Variants in LYST observed in about 807,000 individuals in gnomAD.
LYST encodes lysosomal-trafficking regulator.
Under a neutral mutation model 413.6 loss-of-function variants are expected in LYST, and 192 were observed. That is an observed-to-expected ratio of 0.46 (90% confidence interval 0.41 to 0.52). The LOEUF (loss-of-function observed/expected upper bound fraction) is 0.52. Ranked by LOEUF, LYST falls within the 20% of genes least tolerant of loss-of-function variation. The probability of loss-of-function intolerance (pLI) is 0.00; values close to 1 mark genes in which losing one functional copy is unlikely to be tolerated. For missense variants in LYST, 3,815 were observed against 4,499.9 expected, an observed-to-expected ratio of 0.85 and a Z score of 4.35; for synonymous variants, 1,525 against 1,567.3, an observed-to-expected ratio of 0.97 and a Z score of 0.64.
chr1:235,669,943 C>A (rs1658797847), intron 50 of LYST, among the ~76,000 whole-genome samples: 1 of 152,156 alleles, frequency 6.6e-6, no homozygotes, highest in Non-Finnish European at 1.5e-5. Context: ...TGTAACAAAA[C>A]CTTCATAAAG....
At chr1:235,803,626 A>C (rs1240157156) in intron 7 of LYST, among the ~76,000 whole-genome samples, 1 of 152,164 alleles carries the variant, frequency 6.6e-6, no homozygotes, top group Non-Finnish European at 1.5e-5. Context: ...TTTCTTATAA[A>C]AATTCCACTA....
In LYST at chr1:235,720,875, T is replaced by C. The variant is rs1428816983; in HGVS notation, c.9346A>G (p.Thr3116Ala). The change falls in exon 40 of 53, where the codon ACA (threonine) becomes GCA (alanine). Residue 3116 changes from threonine (T) to alanine (A), a missense_variant. Transcript: ENST00000389793. ...TCCAGAAGATTAGGGAGGTTATTTG[T>C]GAGTATATTGTGGTATACATCATCA... ...VRDDVYHNILTNNLPNLLEYG... is the reference protein window; with the variant it reads ...VRDDVYHNILANNLPNLLEYG... 6.2e-7 allele frequency: 1 copy of C among 1,613,736 alleles called. No homozygotes were observed. Among genetic ancestry groups the C allele is most frequent in the Admixed American group, 1.7e-5 (1 of 60,022 alleles).
chr1:235,801,034 T>C lies in LYST; in HGVS notation c.3776A>G (p.Glu1259Gly), dbSNP rs757456237. 6.2e-7 allele frequency: 1 copy of C among 1,613,778 alleles called. No individual in the cohort carries two copies. The highest frequency in any genetic ancestry group is 8.5e-7 in the Non-Finnish European group (1 of 1,179,794). Reference sequence around the variant, plus strand: ...AATTATTTCCCCTTGAGTGAGGTTTTCGAGTAAGTCATTTGGACTGCTTGA... The same window carrying C: ...AATTATTTCCCCTTGAGTGAGGTTTCCGAGTAAGTCATTTGGACTGCTTGA... ...SASSSPNDLL[E>G]NLTQGEIIYP... is the part of the protein sequence containing the mutation. Residue 1259 changes from glutamate (E) to glycine (G), a missense_variant, in exon 9 of 53, where the codon GAA (glutamate) becomes GGA (glycine). By Grantham distance (98) the Glu-to-Gly change is moderately conservative. Coordinates refer to ENST00000389793, the MANE Select transcript of LYST (RefSeq NM_000081.4).
chr1:235,776,100 T>C (rs1213115990), intron 17 of LYST, among the ~76,000 whole-genome samples: 2 of 152,108 alleles, frequency 1.3e-5, no homozygotes, highest in African/African-American at 2.4e-5. Flanking sequence ...TTTGAAACTA[T>C]ACGATGGTAC....
rs9628694 is a variant in LYST, at chr1:235,729,792, G to A, written c.9045-135C>T. The stretch of plus-strand genomic sequence containing the variant: ...TTCCAATAGCATGAGGTATCTTGTC[G>A]AAACCCACATGAAAATATTAGCTCC... On this transcript the variant is annotated intron_variant, in intron 36 of 52. Coordinates refer to ENST00000389793, the MANE Select transcript of LYST (RefSeq NM_000081.4). 9,099 of 674,986 alleles carry A rather than the reference G, an allele frequency of 0.013. 575 individuals are homozygous for A. In the African/African-American group the frequency reaches 0.14, roughly 11 times the overall value. 41.8% of individuals were successfully genotyped at this position (674,986 alleles called of 1,614,324 possible). A position where few individuals can be genotyped will look rare whatever the true frequency, so the allele number is the denominator to read the frequency against.
intron 6 of LYST, among the ~76,000 whole-genome samples, chr1:235,804,906 G>T (rs978114580): frequency 2.6e-5 from 4 of 152,106 alleles, no homozygotes; most frequent in African/African-American, 7.2e-5. Flanking sequence ...GCATGGTAAA[G>T]AATGGCAAGA....
At chr1:235,748,713 A>G (rs1247557455) in intron 28 of LYST, among the ~76,000 whole-genome samples, 2 of 152,326 alleles carry the variant, frequency 1.3e-5, no homozygotes, top group Non-Finnish European at 2.9e-5. Flanking sequence ...TGAGGTTGTA[A>G]GATTAATCTG....
At position 235,741,512 on chromosome 1, in the gene LYST, G is replaced by A. The variant is rs141534829; in HGVS notation, c.8268C>T (p.His2756=). 9.1e-5 allele frequency: 147 copies of A among 1,613,990 alleles called. No individual in the cohort carries two copies. The highest frequency in any genetic ancestry group is 7.0e-4 in the South Asian group (64 of 91,084). Reference sequence around the variant, plus strand: ...AAATTTGCTTTCTCTCTTGTGCAGCGTGGGCTGGCGACAAAATATGCACTA... The same window carrying A: ...AAATTTGCTTTCTCTCTTGTGCAGCATGGGCTGGCGACAAAATATGCACTA... ...RLLVHILSPA[H]AAQERKQIFE... Residue 2756 remains histidine (H), a synonymous_variant, in exon 31 of 53, where the codon CAC becomes CAT. Transcript: ENST00000389793.
upstream of LYST, among the ~76,000 whole-genome samples, chr1:235,870,860 G>A (rs768154100): frequency 6.6e-6 from 1 of 152,212 alleles, no homozygotes; most frequent in Non-Finnish European, 1.5e-5. Flanking sequence ...TATCCAAACA[G>A]TAAGTTGACC....
rs538068487 is a variant in LYST, at chr1:235,877,625, C to T, written n.454+5562G>A. On this transcript the variant is annotated intron_variant and non_coding_transcript_variant, in intron 1 of 11. Transcript: ENST00000465349. ...TTCTCCATGTTGGTCAGGCTGGTCT[C>T]GAACTCCCAACCTCAGGTGATCCAC... is the stretch of plus-strand genomic sequence containing the variant. Among the ~76,000 whole-genome samples, 6 of 152,164 alleles carry T rather than the reference C, an allele frequency of 3.9e-5. No homozygotes were observed. The East Asian group carries it at 9.7e-4, about 25-fold the overall frequency.
In LYST at chr1:235,738,791, G is replaced by A. The variant is rs1382774522; in HGVS notation, c.8358+2631C>T. 7.1e-6 allele frequency: 7 copies of A among 984,182 alleles called. No individual in the cohort carries two copies. In the Admixed American group the frequency reaches 8.5e-5, roughly 12 times the overall value. The allele number at this position is 984,182 out of a possible 1,614,324, so 61.0% of individuals were successfully genotyped here. A position where few individuals can be genotyped will look rare whatever the true frequency, so the allele number is the denominator to read the frequency against. On this transcript the variant is annotated intron_variant, in intron 31 of 52. Transcript: ENST00000389793. ...TGGCAGATTTGGCAGAAAGTATAATGAAGAATCTTAGGCGGGTGCACCCAA... is the reference window on the plus strand; with the variant it reads ...TGGCAGATTTGGCAGAAAGTATAATAAAGAATCTTAGGCGGGTGCACCCAA...
In LYST at chr1:235,664,323, A is replaced by G; in HGVS notation, c.11195+142T>C. 1 of 769,366 alleles carries G rather than the reference A, an allele frequency of 1.3e-6. No homozygotes were observed. Among genetic ancestry groups the G allele is most frequent in the Non-Finnish European group, 2.1e-6 (1 of 478,120 alleles). The allele number at this position is 769,366 out of a possible 1,614,324, so 47.7% of individuals were successfully genotyped here. ...TTTATTATTTAGAAATAAAACAGGA[A>G]TAACTAAAGAACCTACACCCCAAGG... is the stretch of plus-strand genomic sequence containing the variant. On this transcript the variant is annotated intron_variant, in intron 51 of 52. Transcript: ENST00000389793. The surrounding 1 kb of genome is among the most constrained non-coding windows in gnomAD (Gnocchi z 4.5).
At chr1:235,866,938 C>G (rs1404803476), upstream of LYST, 1 of 153,742 alleles carries the variant, frequency 6.5e-6, no homozygotes, top group Non-Finnish European at 1.5e-5. Context: ...TCCCCACCCC[C>G]GCCCGCCCAG....
At chr1:235,815,263 A>G (rs1383028738) in intron 3 of LYST, among the ~76,000 whole-genome samples, 2 of 152,224 alleles carry the variant, frequency 1.3e-5, no homozygotes, top group African/African-American at 4.8e-5. Context: ...CACAATATCC[A>G]TATCCTCATG....
chr1:235,805,489 T>A lies in LYST; in HGVS notation c.3393+254A>T, dbSNP rs13376598. Among the ~76,000 whole-genome samples the A allele has an allele frequency of 0.04, 6,060 of 152,082 alleles. 413 individuals carry two copies. Among genetic ancestry groups the A allele is most frequent in the African/African-American group, 0.14 (5,740 of 41,456 alleles). ...ACAGTATCACACAAAAATTTAGATC[T>A]TTCAACTTTGAAACACAATATCCAT... On this transcript the variant is annotated intron_variant, in intron 6 of 52. Coordinates refer to ENST00000389793, the MANE Select transcript of LYST (RefSeq NM_000081.4).
chr1:235,808,378 C>T (rs2102876921), intron 5 of LYST, 77 bp downstream of exon 5: 1 of 1,376,904 alleles, frequency 7.3e-7, no homozygotes, highest in Non-Finnish European at 1.0e-6. Flanking sequence ...TTATCACTCA[C>T]TTGAAAGCAT....
At chr1:235,857,704 TACAC>T (rs145682413) in intron 1 of LYST, among the ~76,000 whole-genome samples, 5 of 145,092 alleles carry the variant, frequency 3.4e-5, no homozygotes, top group African/African-American at 1.0e-4. Context: ...TGTATATATA[TACAC>T]ACACACACGT....
chr1:235,670,001 T>A (rs16832785), intron 50 of LYST, among the ~76,000 whole-genome samples: 12,205 of 152,142 alleles, frequency 0.08, 1,581 homozygotes, highest in African/African-American at 0.27. Flanking sequence ...TGAACACAAC[T>A]ATGTCAGAAA....
intron 1 of LYST, among the ~76,000 whole-genome samples, chr1:235,855,368 A>G (rs1351106455): frequency 6.6e-6 from 1 of 152,194 alleles, no homozygotes; most frequent in Non-Finnish European, 1.5e-5. Context: ...TCTGAGAAAC[A>G]GACACATTTA....
Sources: gnomAD v4.1 joint callset for allele counts (sites outside exome capture counted in the v4.1 genomes callset) on GRCh38, gnomAD v4.1.1 for gene constraint, Gnocchi (gnomAD v3.1) non-coding constraint, MANE v1.5 for transcripts, NCBI Gene and HGNC (gene_info 2026-07-23, HGNC 2026-07-21) for gene names.